The following SYTL3 variants were observed in gnomAD, a reference collection of about 807,000 sequenced individuals.
SYTL3 encodes synaptotagmin like 3, also known as synaptotagmin-like protein 3.
A neutral mutation model predicts 82.1 loss-of-function variants in SYTL3; 88 were observed. The observed-to-expected ratio is 1.07, with a 90% CI of 0.90 to 1.28. The LOEUF is 1.28. Among genes scored for constraint, SYTL3 ranks in the 50% most tolerant of loss-of-function variants. SYTL3 has a pLI of 0.00. For missense variants in SYTL3, 831 were observed against 757.6 expected (o/e 1.10, Z -1.14); for synonymous variants, 311 against 289.4 (o/e 1.07, Z -0.76).
At chr6:158,707,862 C>A (rs537901379) in intron 7 of SYTL3, among the ~76,000 whole-genome samples, 2 of 152,326 alleles carry the variant, frequency 1.3e-5, no homozygotes, top group Non-Finnish European at 2.9e-5. Flanking sequence ...AATATCGAGA[C>A]TTTTTCATTT....
At chr6:158,676,155 T>C (rs1462347577) in intron 5 of SYTL3, among the ~76,000 whole-genome samples, 14 of 152,148 alleles carry the variant, frequency 9.2e-5, no homozygotes, top group Non-Finnish European at 1.9e-4. Context: ...CTTCAAACTA[T>C]ACTACAAGGC....
intron 2 of SYTL3, among the ~76,000 whole-genome samples, chr6:158,652,418 T>G (rs1214378760): frequency 6.6e-6 from 1 of 151,984 alleles, no homozygotes; most frequent in East Asian, 1.9e-4. Flanking sequence ...CTGGCTAATT[T>G]TTTTGTATTT....
intron 11 of SYTL3, among the ~76,000 whole-genome samples, chr6:158,740,720 G>A (rs148101653): frequency 2.0e-5 from 3 of 152,268 alleles, no homozygotes; most frequent in East Asian, 3.9e-4. Context: ...GAAAAACTGG[G>A]ATAATTTGAG....
At chr6:158,687,455 A>G (rs768978743) in intron 6 of SYTL3, among the ~76,000 whole-genome samples, 21 of 152,162 alleles carry the variant, frequency 1.4e-4, no homozygotes, top group Non-Finnish European at 2.5e-4. Flanking sequence ...GCTATGCCCT[A>G]TGGGTCCCAC....
intron 8 of SYTL3, among the ~76,000 whole-genome samples, chr6:158,712,170 G>T (rs1256980778): frequency 6.6e-6 from 1 of 152,184 alleles, no homozygotes; most frequent in Non-Finnish European, 1.5e-5. Context: ...CCTGGGTTCT[G>T]ATGTCCAAGG....
intron 16 of SYTL3, 71 bp from the exon 17 acceptor site, chr6:158,763,233 C>G (rs754705100): frequency 1.2e-5 from 17 of 1,460,148 alleles, no homozygotes; most frequent in Non-Finnish European, 1.4e-5. Context: ...CCCGTCTGCA[C>G]TGACGCACAG....
rs374365926 is a variant in SYTL3 at position 158,750,058 on chromosome 6, C to G, written c.1035-1870C>G. 2.2e-4 allele frequency among the ~76,000 whole-genome samples: 34 copies of G among 152,062 alleles called. No homozygotes were observed. In the East Asian group the frequency reaches 6.0e-3, roughly 27 times the overall value. On this transcript the variant is annotated intron_variant, in intron 12 of 17. Coordinates refer to ENST00000611299, the MANE Select transcript of SYTL3 (RefSeq NM_001242394.2). Reference sequence around the variant, plus strand: ...TGTGTATTCATTCAGTGGAATGATACGTAGGATTAGAGATGAATGAGCGGC... The same window carrying G: ...TGTGTATTCATTCAGTGGAATGATAGGTAGGATTAGAGATGAATGAGCGGC...
At chr6:158,701,175 G>GTCTGGGGGGAGGAGCC (rs201561663) in intron 6 of SYTL3, among the ~76,000 whole-genome samples, 10 of 119,708 alleles carry the variant, frequency 8.4e-5, no homozygotes, top group African/African-American at 1.4e-4. Context: ...AGATGAAGGA[G>GTCTGGGGGGAGGAGCC]GTGAGCTGGG....
intron 6 of SYTL3, among the ~76,000 whole-genome samples, chr6:158,703,956 C>T (rs549416306): frequency 5.9e-5 from 9 of 151,486 alleles, no homozygotes; most frequent in East Asian, 1.9e-4. Flanking sequence ...CGAGTAGCTG[C>T]GATTACAAGC....
At chr6:158,673,805 C>T (rs899899860) in intron 5 of SYTL3, among the ~76,000 whole-genome samples, 32 of 149,058 alleles carry the variant, frequency 2.1e-4, no homozygotes, top group Admixed American at 4.7e-4. Context: ...TTCCTCGGGC[C>T]GGGCGTGGTG....
upstream of SYTL3, among the ~76,000 whole-genome samples, chr6:158,648,896 A>G (rs1192405503): frequency 6.6e-6 from 1 of 152,210 alleles, no homozygotes; most frequent in Non-Finnish European, 1.5e-5. Context: ...AGCTAAAGAG[A>G]TTAGCTAAGA....
chr6:158,720,832 A>G (rs759652085), intron 10 of SYTL3, among the ~76,000 whole-genome samples: 7 of 152,104 alleles, frequency 4.6e-5, no homozygotes, highest in Non-Finnish European at 1.0e-4. Context: ...CCAGAGACCA[A>G]CCACACCCTG....
intron 10 of SYTL3, among the ~76,000 whole-genome samples, chr6:158,721,591 A>AT (rs1562422228): frequency 6.6e-6 from 1 of 152,090 alleles, no homozygotes. Context: ...TAAATGCTAA[A>AT]TAACTATTGG....
intron 5 of SYTL3, among the ~76,000 whole-genome samples, chr6:158,679,952 A>C (rs1279122296): frequency 1.3e-5 from 2 of 152,038 alleles, no homozygotes; most frequent in Non-Finnish European, 1.5e-5. Flanking sequence ...TCAGATATGG[A>C]TATTTTGGGC....
rs757410330 is a variant in SYTL3, at chr6:158,663,278, G to A, written c.10G>A (p.Glu4Lys). The change falls in exon 4 of 18, where the codon GAA (glutamate) becomes AAA (lysine). Residue 4 changes from glutamate to lysine, a missense_variant. Glu to Lys is a moderately conservative substitution (Grantham distance 56, BLOSUM62 1). Transcript: ENST00000611299. ...CGAAAACGGAGAAGAAATGGCCCAA[G>A]AAATAGATCTGAGTGCTCTCAAGGA... MAQ[E>K]IDLSALKELE... The A allele has an allele frequency of 1.2e-6, 2 of 1,614,154 alleles. No individual in the cohort carries two copies. The highest frequency in any genetic ancestry group is 1.7e-6 in the Non-Finnish European group (2 of 1,180,014).
At chr6:158,646,143 T>C (rs551047330), upstream of SYTL3, among the ~76,000 whole-genome samples, 1 of 152,256 alleles carries the variant, frequency 6.6e-6, no homozygotes, top group African/African-American at 2.4e-5. Flanking sequence ...TTTATTTATT[T>C]AGAGACAGGG....
chr6:158,687,745 A>G (rs1372309657), intron 6 of SYTL3, among the ~76,000 whole-genome samples: 1 of 151,848 alleles, frequency 6.6e-6, no homozygotes, highest in East Asian at 1.9e-4. Flanking sequence ...AGCAGCTCCT[A>G]ACTGCTTCCC....
intron 12 of SYTL3, among the ~76,000 whole-genome samples, chr6:158,746,450 A>ATTATTATTATTAT (rs1554263734): frequency 0.01 from 641 of 63,656 alleles, 2 homozygotes; most frequent in Non-Finnish European, 0.015. Context: ...TATAATAATA[A>ATTATTATTATTAT]TAATAATAAT....
intron 10 of SYTL3, among the ~76,000 whole-genome samples, chr6:158,723,785 C>T (rs1784399339): frequency 6.6e-6 from 1 of 152,202 alleles, no homozygotes; most frequent in Non-Finnish European, 1.5e-5. Context: ...TCTTGAACCC[C>T]TCCCATTGGA....
Sources: gnomAD v4.1 joint callset for allele counts (sites outside exome capture counted in the v4.1 genomes callset) on GRCh38, gnomAD v4.1.1 for gene constraint, MANE v1.5 for transcripts, NCBI Gene and HGNC (gene_info 2026-07-23, HGNC 2026-07-21) for gene names.